CCDC171: variants seen among roughly 807,000 people sequenced by gnomAD.
The protein encoded by CCDC171 is coiled-coil domain-containing protein 171.
In CCDC171, 177 loss-of-function variants were observed where a neutral mutation model predicts 168.2. The observed-to-expected ratio is 1.05, with a 90% CI of 0.93 to 1.19. The LOEUF (loss-of-function observed/expected upper bound fraction) is 1.19, where lower values mean the gene tolerates loss of function less well. CCDC171 is among the 50% of genes most tolerant of loss of function. The pLI, the probability that CCDC171 is intolerant of heterozygous loss-of-function variation, is 0.00. For synonymous variants in CCDC171, 687 were observed against 540.8 expected, an observed-to-expected ratio of 1.27 and a Z score of -3.75; for missense variants, 1,991 against 1,539.0, an observed-to-expected ratio of 1.29 and a Z score of -4.91.
the CCDC171 span, among the ~76,000 whole-genome samples, chr9:16,099,731 C>T: frequency 6.6e-6 from 1 of 152,128 alleles, no homozygotes; most frequent in Non-Finnish European, 1.5e-5. Context: ...GAGATAGTCT[C>T]AACAAGAAAG....
rs1399591387 is a variant in CCDC171, at chr9:15,633,621, C to T, written c.822+10208C>T. On this transcript the variant is annotated intron_variant, in intron 7 of 25. Transcript: ENST00000380701. Reference sequence around the variant, plus strand: ...CCTTGTGGAAGTCAGTGTGGCGATTCCTCAGGAATCTAGTACTAGAAATAC... The same window carrying T: ...CCTTGTGGAAGTCAGTGTGGCGATTTCTCAGGAATCTAGTACTAGAAATAC... 2.6e-5 allele frequency among the ~76,000 whole-genome samples: 4 copies of T among 152,156 alleles called. No homozygotes were observed. In the East Asian group the frequency reaches 5.8e-4, roughly 22 times the overall value.
At chr9:15,990,553 A>G (rs1024460986) in intron 3 of CCDC171, among the ~76,000 whole-genome samples, 1 of 152,228 alleles carries the variant, frequency 6.6e-6, no homozygotes, top group Non-Finnish European at 1.5e-5. Context: ...TCATAATGAC[A>G]GGATCAAATT....
At chr9:15,826,722 T>A (rs2060028828) in intron 21 of CCDC171, among the ~76,000 whole-genome samples, 1 of 152,198 alleles carries the variant, frequency 6.6e-6, no homozygotes, top group Admixed American at 6.5e-5. Flanking sequence ...AGCCTTCAGA[T>A]GACTTCATAT....
At chr9:16,099,140 C>A in the CCDC171 span, among the ~76,000 whole-genome samples, 1 of 152,182 alleles carries the variant, frequency 6.6e-6, no homozygotes, top group Admixed American at 6.5e-5. Flanking sequence ...AAATTCATCT[C>A]TTTAAGGCTT....
chr9:15,761,870 A>T (rs2056463564), intron 18 of CCDC171, among the ~76,000 whole-genome samples: 1 of 128,304 alleles, frequency 7.8e-6, no homozygotes, highest in South Asian at 2.7e-4. Context: ...AAGTATAAGC[A>T]TGTAGAAAAG....
chr9:15,805,405 C>G (rs1040418415), intron 21 of CCDC171, among the ~76,000 whole-genome samples: 1 of 152,134 alleles, frequency 6.6e-6, no homozygotes, highest in Non-Finnish European at 1.5e-5. Flanking sequence ...CCTCTTAACA[C>G]TGCTTTAGCT....
chr9:15,939,208 T>C (rs1827443882), intron 25 of CCDC171, among the ~76,000 whole-genome samples: 1 of 151,698 alleles, frequency 6.6e-6, no homozygotes, highest in African/African-American at 2.4e-5. Flanking sequence ...ATATAAATAT[T>C]CTCACTATTT....
chr9:15,818,848 C>G (rs1301588817), intron 21 of CCDC171, among the ~76,000 whole-genome samples: 1 of 116,310 alleles, frequency 8.6e-6, no homozygotes, highest in Non-Finnish European at 1.9e-5. Flanking sequence ...GAGAACGCCA[C>G]AAAAATACTC....
intron 11 of CCDC171, among the ~76,000 whole-genome samples, chr9:15,707,803 A>G (rs78970489): frequency 0.014 from 2,122 of 152,284 alleles, 60 homozygotes; most frequent in African/African-American, 0.049. Context: ...TGTAGAGAGT[A>G]TAGTATTGTA....
At chr9:15,559,198 A>C (rs532440314) in intron 1 of CCDC171, among the ~76,000 whole-genome samples, 2 of 152,296 alleles carry the variant, frequency 1.3e-5, no homozygotes, top group South Asian at 4.1e-4. Flanking sequence ...GCCGAGAAGA[A>C]TGTATATTCT....
chr9:15,813,902 G>A (rs1418432675), intron 21 of CCDC171, among the ~76,000 whole-genome samples: 1 of 152,262 alleles, frequency 6.6e-6, no homozygotes, highest in African/African-American at 2.4e-5. Context: ...ATTTAGTTGA[G>A]TAATAGGATC....
intron 18 of CCDC171, among the ~76,000 whole-genome samples, chr9:15,764,303 G>A (rs1296340022): frequency 1.3e-5 from 2 of 152,194 alleles, no homozygotes; most frequent in African/African-American, 4.8e-5. Flanking sequence ...GTGATTTAAC[G>A]TTTTAAAAGA....
intron 6 of CCDC171, among the ~76,000 whole-genome samples, chr9:16,024,962 G>A (rs1211277645): frequency 1.3e-5 from 2 of 152,168 alleles, no homozygotes; most frequent in Non-Finnish European, 2.9e-5. Flanking sequence ...CCCAGACATG[G>A]GACTTTCCAT....
At chr9:15,714,963 A>G (rs2052968440) in intron 11 of CCDC171, among the ~76,000 whole-genome samples, 2 of 152,174 alleles carry the variant, frequency 1.3e-5, no homozygotes, top group Non-Finnish European at 1.5e-5. Flanking sequence ...ACTACCCATT[A>G]TGTTAAACAT....
chr9:16,019,079 A>G (rs968193733), intron 3 of CCDC171, among the ~76,000 whole-genome samples: 1 of 152,192 alleles, frequency 6.6e-6, no homozygotes, highest in African/African-American at 2.4e-5. Context: ...CAAAACATTA[A>G]CAGTTCCTTT....
intron 3 of CCDC171, among the ~76,000 whole-genome samples, chr9:15,981,209 T>G (rs1831786605): frequency 6.6e-6 from 1 of 152,114 alleles, no homozygotes; most frequent in South Asian, 2.1e-4. Flanking sequence ...TATTTTGATA[T>G]AGGCTCTTTG....
intron 24 of CCDC171, among the ~76,000 whole-genome samples, chr9:15,886,999 G>T (rs1309453905): frequency 6.6e-6 from 1 of 152,070 alleles, no homozygotes; most frequent in Non-Finnish European, 1.5e-5. Flanking sequence ...GAGATAATTG[G>T]TCAAAGGGTA....
chr9:15,781,516 C>G (rs1281433805), intron 20 of CCDC171, among the ~76,000 whole-genome samples: 1 of 152,150 alleles, frequency 6.6e-6, no homozygotes, highest in African/African-American at 2.4e-5. Context: ...CTCCCAGGTT[C>G]AAGGAATTCT....
intron 10 of CCDC171, among the ~76,000 whole-genome samples, chr9:15,682,538 A>G (rs2050109880): frequency 6.6e-6 from 1 of 151,968 alleles, no homozygotes; most frequent in Non-Finnish European, 1.5e-5. Flanking sequence ...TATACAACAT[A>G]AAGTGATCAG....
Sources: allele counts gnomAD v4.1 joint callset (sites outside exome capture counted in the v4.1 genomes callset), GRCh38; gene constraint gnomAD v4.1.1; transcripts MANE v1.5; gene names NCBI Gene and HGNC (gene_info 2026-07-23, HGNC 2026-07-21).